Variants in MARCHF3 observed in about 807,000 individuals in gnomAD.
MARCHF3 encodes the protein membrane associated ring-CH-type finger 3.
A neutral mutation model predicts 24.2 loss-of-function variants in MARCHF3; 13 were observed. The observed-to-expected ratio is 0.54, with a 90% CI of 0.35 to 0.85. The LOEUF is 0.85. Ranked by LOEUF, MARCHF3 falls within the 40% of genes least tolerant of loss-of-function variation. The pLI is 0.01. For missense variants in MARCHF3, 276 were observed against 325.0 expected (o/e 0.85, Z 1.16); for synonymous variants, 144 against 137.3 (o/e 1.05, Z -0.34).
chr5:126,978,571 G>A (rs181343247), intron 1 of MARCHF3, among the ~76,000 whole-genome samples: 2 of 152,334 alleles, frequency 1.3e-5, no homozygotes, highest in Non-Finnish European at 2.9e-5. Context: ...ACAGATATAT[G>A]AAGTACTCGT....
At chr5:126,884,828 C>T (rs1344637374) in intron 3 of MARCHF3, among the ~76,000 whole-genome samples, 3 of 152,188 alleles carry the variant, frequency 2.0e-5, no homozygotes, top group African/African-American at 4.8e-5. Context: ...ACCCTGCTGT[C>T]CAGTCCCAAA....
At chr5:126,895,304 T>C (rs1019515873) in intron 3 of MARCHF3, among the ~76,000 whole-genome samples, 1 of 152,154 alleles carries the variant, frequency 6.6e-6, no homozygotes, top group Non-Finnish European at 1.5e-5. Context: ...CCTTCTTCTC[T>C]CAGCTCCTCA....
intron 1 of MARCHF3, among the ~76,000 whole-genome samples, chr5:126,995,269 G>C (rs142239366): frequency 3.5e-4 from 53 of 152,314 alleles, no homozygotes; most frequent in African/African-American, 1.2e-3. Context: ...GCACTAATAC[G>C]TAAATCAATT....
At position 126,882,962 on chromosome 5, in the gene MARCHF3, C is replaced by G. The variant is rs1257553482; in HGVS notation, c.394-4568G>C. 2.6e-5 allele frequency among the ~76,000 whole-genome samples: 4 copies of G among 152,172 alleles called. No homozygotes were observed. The South Asian group carries it at 8.3e-4, about 32-fold the overall frequency. On this transcript the variant is annotated intron_variant, in intron 3 of 4. Transcript: ENST00000308660. ...TAGCTCCAAAGACTGTGCCCCTAAC[C>G]ATTCTACTATATCATAATTCTTAGT...
chr5:126,890,497 C>T (rs1285841594), intron 3 of MARCHF3, among the ~76,000 whole-genome samples: 2 of 143,530 alleles, frequency 1.4e-5, no homozygotes, highest in Non-Finnish European at 3.0e-5. Flanking sequence ...TCCATGTGAT[C>T]TCATTGTTCA....
intron 3 of MARCHF3, among the ~76,000 whole-genome samples, chr5:126,887,055 C>T (rs1249576375): frequency 6.6e-6 from 1 of 152,180 alleles, no homozygotes; most frequent in African/African-American, 2.4e-5. Context: ...TCTCACCCTT[C>T]CACTCCTGTT....
intron 1 of MARCHF3, among the ~76,000 whole-genome samples, chr5:126,962,607 T>C (rs1750674201): frequency 6.6e-6 from 1 of 152,138 alleles, no homozygotes; most frequent in South Asian, 2.1e-4. Flanking sequence ...CTTTGTTTCA[T>C]GTGCAAAATT....
intron 1 of MARCHF3, among the ~76,000 whole-genome samples, chr5:126,922,128 G>C (rs908490088): frequency 6.6e-6 from 1 of 152,208 alleles, no homozygotes; most frequent in African/African-American, 2.4e-5. Flanking sequence ...CAGGTCGTGG[G>C]GGAAGGGAAG....
chr5:126,874,298 C>T (rs1753072119), intron 4 of MARCHF3, among the ~76,000 whole-genome samples: 1 of 152,182 alleles, frequency 6.6e-6, no homozygotes, highest in African/African-American at 2.4e-5. Flanking sequence ...TATAAAGTCA[C>T]AGCAGGCGGC....
At chr5:126,948,134 C>G (rs1018438560) in intron 1 of MARCHF3, among the ~76,000 whole-genome samples, 2 of 152,126 alleles carry the variant, frequency 1.3e-5, no homozygotes, top group Non-Finnish European at 2.9e-5. Flanking sequence ...ACCATGACAA[C>G]CCTGGGTGGG....
At chr5:126,958,415 T>C (rs1750521901) in intron 1 of MARCHF3, among the ~76,000 whole-genome samples, 1 of 152,198 alleles carries the variant, frequency 6.6e-6, no homozygotes, top group Non-Finnish European at 1.5e-5. Flanking sequence ...TTGCTTACTT[T>C]TTCTTGAATT....
chr5:126,920,673 C>T (rs1311876560), intron 1 of MARCHF3, among the ~76,000 whole-genome samples: 1 of 152,122 alleles, frequency 6.6e-6, no homozygotes, highest in African/African-American at 2.4e-5. Context: ...AGTAGTTAGG[C>T]TACCCTCAGT....
At chr5:126,992,733 AT>A (rs534644701) in intron 1 of MARCHF3, among the ~76,000 whole-genome samples, 1 of 131,376 alleles carries the variant, frequency 7.6e-6, no homozygotes, top group African/African-American at 2.8e-5. Context: ...CAAGTCACTG[AT>A]TTTTTTTCTT....
At chr5:127,013,887 T>C (rs1309224003) in intron 1 of MARCHF3, among the ~76,000 whole-genome samples, 1 of 152,134 alleles carries the variant, frequency 6.6e-6, no homozygotes, top group East Asian at 1.9e-4. Context: ...TCTGCCCCTA[T>C]ATAAAAATCT....
chr5:126,874,416 G>A (rs1442007102), intron 4 of MARCHF3, among the ~76,000 whole-genome samples: 4 of 152,040 alleles, frequency 2.6e-5, no homozygotes, highest in Non-Finnish European at 4.4e-5. Context: ...GAGAAACCCC[G>A]TCTCTACTAA....
At chr5:126,883,236 A>C (rs935359681) in intron 3 of MARCHF3, among the ~76,000 whole-genome samples, 13 of 152,178 alleles carry the variant, frequency 8.5e-5, no homozygotes, top group African/African-American at 3.1e-4. Flanking sequence ...AAGGTCAATG[A>C]TTGAGACTAG....
chr5:127,025,630 G>A (rs1752969223), intron 1 of MARCHF3, among the ~76,000 whole-genome samples: 1 of 152,098 alleles, frequency 6.6e-6, no homozygotes, highest in Non-Finnish European at 1.5e-5. Flanking sequence ...GCTTGTATCA[G>A]GAGAGTGTCT....
intron 1 of MARCHF3, among the ~76,000 whole-genome samples, chr5:126,923,458 G>C (rs936992005): frequency 6.6e-6 from 1 of 152,224 alleles, no homozygotes; most frequent in Non-Finnish European, 1.5e-5. Context: ...AGGTGAAAAT[G>C]AGAGCAGGAG....
intron 1 of MARCHF3, among the ~76,000 whole-genome samples, chr5:126,980,376 T>C (rs1349803407): frequency 7.2e-6 from 1 of 139,788 alleles, no homozygotes; most frequent in African/African-American, 2.7e-5. Context: ...GATTCATTCC[T>C]TTTTTTTTTT....
Sources: allele counts gnomAD v4.1 joint callset (sites outside exome capture counted in the v4.1 genomes callset), GRCh38; gene constraint gnomAD v4.1.1; transcripts MANE v1.5; gene names NCBI Gene and HGNC (gene_info 2026-07-23, HGNC 2026-07-21).